PPP1R15B: variants seen among roughly 807,000 people sequenced by gnomAD.
The protein encoded by PPP1R15B is protein phosphatase 1, regulatory (inhibitor) subunit 15B.
PPP1R15B carries 31 observed loss-of-function variants against 53.9 expected under a neutral mutation model. That is an observed-to-expected ratio of 0.58 (90% confidence interval 0.43 to 0.78). PPP1R15B has a LOEUF of 0.78. Among genes scored for constraint, PPP1R15B ranks in the 30% least tolerant of loss-of-function variants. The pLI, the probability that PPP1R15B is intolerant of heterozygous loss-of-function variation, is 0.00. For missense variants in PPP1R15B, 928 were observed against 849.6 expected (o/e 1.09, Z -1.15); for synonymous variants, 345 against 329.1 (o/e 1.05, Z -0.52).
chr1:204,411,087 G>A lies in PPP1R15B; in HGVS notation c.325C>T (p.Leu109=), dbSNP rs1478150067. 6.2e-7 allele frequency: 1 copy of A among 1,614,172 alleles called. No homozygotes were observed. Among genetic ancestry groups the A allele is most frequent in the South Asian group, 1.1e-5 (1 of 91,044 alleles). ...GCGGCTGGTTTCTCCCGTCCCTTCA[G>A]GGCTCTCAGGGCGCTGTAGACTCCA... The part of the protein sequence containing the change: ...FAGVYSALRA[L]KGREKPAAPT... The change falls in exon 1 of 2, where the codon CTG becomes TTG. Residue 109 remains leucine (L), a synonymous_variant. Transcript: ENST00000367188.
At chr1:204,401,651 A>G (rs1324256490), downstream of PPP1R15B, among the ~76,000 whole-genome samples, 1 of 152,212 alleles carries the variant, frequency 6.6e-6, no homozygotes, top group African/African-American at 2.4e-5. Flanking sequence ...GTCCAAATGA[A>G]GTCTCCAAAT....
chr1:204,398,744 C>T (rs1252637061), downstream of PPP1R15B, among the ~76,000 whole-genome samples: 4 of 152,110 alleles, frequency 2.6e-5, no homozygotes, highest in African/African-American at 7.2e-5. Flanking sequence ...GTGGAGACAA[C>T]AGAGCATCAC....
Position 204,410,665 on chromosome 1 carries a change from G to A in PPP1R15B, c.747C>T (p.Gly249=). The A allele has an allele frequency of 6.2e-7, 1 of 1,613,982 alleles. No individual in the cohort carries two copies. Among genetic ancestry groups the A allele is most frequent in the East Asian group, 2.2e-5 (1 of 44,888 alleles). The change falls in exon 1 of 2, where the codon GGC becomes GGT. Residue 249 remains glycine (G), a synonymous_variant. Transcript: ENST00000367188. ...TGCTCTCTGGGGTTAGTGTCTGGAAGCCGACTACCTCGCTATTTCCATCAC... is the reference window on the plus strand; with the variant it reads ...TGCTCTCTGGGGTTAGTGTCTGGAAACCGACTACCTCGCTATTTCCATCAC... ...QNSDGNSEVV[G]FQTLTPESSC...
At chr1:204,400,979 G>T (rs1674170580), downstream of PPP1R15B, among the ~76,000 whole-genome samples, 1 of 152,188 alleles carries the variant, frequency 6.6e-6, no homozygotes, top group Admixed American at 6.5e-5. Flanking sequence ...GATCTCTAGG[G>T]TATCCTCCCC....
rs1378203728 is a variant in PPP1R15B, at chr1:204,404,088, A to G, written c.*2004T>C. On this transcript the variant is annotated 3_prime_UTR_variant, in exon 2 of 2. Coordinates refer to ENST00000367188, the MANE Select transcript of PPP1R15B (RefSeq NM_032833.5). ...AAAAGAATGCCTGTATGTTGTCAAAAGGCTTTTTTCAAGGCAAATGACGCC... is the reference window on the plus strand; with the variant it reads ...AAAAGAATGCCTGTATGTTGTCAAAGGGCTTTTTTCAAGGCAAATGACGCC... 1.0e-6 allele frequency: 1 copy of G among 985,366 alleles called. No individual in the cohort carries two copies. Among genetic ancestry groups the G allele is most frequent in the East Asian group, 1.1e-4 (1 of 8,836 alleles). The allele number at this position is 985,366 out of a possible 1,614,324, so 61.0% of individuals were successfully genotyped here.
At position 204,403,957 on chromosome 1, in the gene PPP1R15B, T is replaced by C. The variant is rs1572252416; in HGVS notation, c.*2135A>G. The stretch of plus-strand genomic sequence containing the variant: ...TCCCATGGGGAACAATTTTCCAAAA[T>C]CCAATGAAAGATGTCTCATTATTTT... On this transcript the variant is annotated 3_prime_UTR_variant, in exon 2 of 2. Coordinates refer to ENST00000367188, the MANE Select transcript of PPP1R15B (RefSeq NM_032833.5). 1 of 985,388 alleles carries C rather than the reference T, an allele frequency of 1.0e-6. No individual in the cohort carries two copies. 61.0% of individuals were successfully genotyped at this position (985,388 alleles called of 1,614,324 possible).
Position 204,411,044 on chromosome 1 carries a change from G to T in PPP1R15B, c.368C>A (p.Ser123Tyr), listed in dbSNP as rs150472729. The change falls in exon 1 of 2, where the codon TCT (serine) becomes TAT (tyrosine). Residue 123 changes from serine (S) to tyrosine (Y), a missense_variant. Transcript: ENST00000367188. The stretch of plus-strand genomic sequence containing the variant: ...GGAGTCGAGCTGCAGCGAACTCAAA[G>T]ATTTCTGCGCTGTGGGGGCGGCTGG... ...EKPAAPTAQK[S>Y]LSSLQLDSSD... The T allele has an allele frequency of 1.8e-4, 294 of 1,614,094 alleles. No individual in the cohort carries two copies. Among genetic ancestry groups the T allele is most frequent in the Non-Finnish European group, 2.4e-4 (286 of 1,180,036 alleles).
downstream of PPP1R15B, among the ~76,000 whole-genome samples, chr1:204,399,893 A>G (rs764698983): frequency 7.9e-5 from 12 of 152,156 alleles, no homozygotes; most frequent in East Asian, 1.9e-4. Flanking sequence ...ATATATCCAG[A>G]TAAGTCTTTT....
At chr1:204,399,849 T>C (rs6694389), downstream of PPP1R15B, among the ~76,000 whole-genome samples, 22,843 of 152,132 alleles carry the variant, frequency 0.15, 2,266 homozygotes, top group African/African-American at 0.28. Context: ...TCTTTCATGA[T>C]AAAATGCGGT....
rs913930377 is a variant in PPP1R15B at position 204,405,655 on chromosome 1, C to A, written c.*437G>T. ...ATAGAAAAACATAAAAGCCCATTAA[C>A]TTCTGAATTTTGGGAAAGAAACAAG... On this transcript the variant is annotated 3_prime_UTR_variant, in exon 2 of 2. Coordinates refer to ENST00000367188, the MANE Select transcript of PPP1R15B (RefSeq NM_032833.5). 3.0e-6 allele frequency: 3 copies of A among 983,788 alleles called. No individual in the cohort carries two copies. Among genetic ancestry groups the A allele is most frequent in the Non-Finnish European group, 3.6e-6 (3 of 827,986 alleles). The allele number at this position is 983,788 out of a possible 1,614,324, so 60.9% of individuals were successfully genotyped here.
At chr1:204,406,898 C>G (rs189286072) in intron 1 of PPP1R15B, among the ~76,000 whole-genome samples, 1 of 151,750 alleles carries the variant, frequency 6.6e-6, no homozygotes, top group Non-Finnish European at 1.5e-5. Flanking sequence ...AGTCGTCTGC[C>G]CCCCCCAATC....
rs1674258189 is a variant in PPP1R15B at position 204,406,032 on chromosome 1, T to A, written c.*60A>T. On this transcript the variant is annotated 3_prime_UTR_variant, in exon 2 of 2. Transcript: ENST00000367188. ...AAAGGACAGCTGCCAAGATTTGTTT[T>A]TAAAAGACACCTCTCAGGTAAGAGG... 2.6e-6 allele frequency: 4 copies of A among 1,555,510 alleles called. No homozygotes were observed. The Admixed American group carries it at 8.0e-5, about 31-fold the overall frequency.
rs1417469070 is a variant in PPP1R15B, at chr1:204,411,090, C to A, written c.322G>T (p.Ala108Ser). 1.9e-6 allele frequency: 3 copies of A among 1,614,052 alleles called. No individual in the cohort carries two copies. In the East Asian group the frequency reaches 6.7e-5, roughly 36 times the overall value. The change falls in exon 1 of 2, where the codon GCC becomes TCC. Residue 108 changes from alanine to serine, a missense_variant. Physicochemically the swap from Ala to Ser is moderately conservative, Grantham distance 99. Coordinates refer to ENST00000367188, the MANE Select transcript of PPP1R15B (RefSeq NM_032833.5). ...DFAGVYSALR[A>S]LKGREKPAAP... ...GCTGGTTTCTCCCGTCCCTTCAGGG[C>A]TCTCAGGGCGCTGTAGACTCCAGCA...
rs1386058021 is a variant in PPP1R15B, at chr1:204,403,821, AAAATAGTCCTTTCTGTCCT to A, written c.*2252_*2270del. On this transcript the variant is annotated 3_prime_UTR_variant, in exon 2 of 2. Transcript: ENST00000367188. ...CTTTTTTCTCCTTCAGTCCAACTTTAAAATAGTCCTTTCTGTCCTTCTTATCACCTTCTGATCACTTCTT... is the reference window on the plus strand; with the variant it reads ...CTTTTTTCTCCTTCAGTCCAACTTTATCTTATCACCTTCTGATCACTTCTT... The A allele has an allele frequency of 6.1e-6, 6 of 985,750 alleles. No homozygotes were observed. In the Admixed American group the frequency reaches 3.7e-4, roughly 61 times the overall value. The allele number at this position is 985,750 out of a possible 1,614,324, so 61.1% of individuals were successfully genotyped here. A position where few individuals can be genotyped will look rare whatever the true frequency, so the allele number is the denominator to read the frequency against.
In PPP1R15B at chr1:204,405,669, G is replaced by A. The variant is rs11240739; in HGVS notation, c.*423C>T. 269 of 984,174 alleles carry A rather than the reference G, an allele frequency of 2.7e-4. 2 individuals carry two copies. In the African/African-American group the frequency reaches 4.0e-3, roughly 15 times the overall value. The allele number at this position is 984,174 out of a possible 1,614,324, so 61.0% of individuals were successfully genotyped here. ...AAGCCCATTAACTTCTGAATTTTGG[G>A]AAAGAAACAAGAAAGAGCCCAAAGT... On this transcript the variant is annotated 3_prime_UTR_variant, in exon 2 of 2. Transcript: ENST00000367188.
chr1:204,401,747 C>G (rs1435717995), downstream of PPP1R15B, among the ~76,000 whole-genome samples: 1 of 151,922 alleles, frequency 6.6e-6, no homozygotes, highest in Non-Finnish European at 1.5e-5. Flanking sequence ...ATGGCAAAAC[C>G]CCATCTCTAC....
At chr1:204,398,753 A>G (rs1674129923), downstream of PPP1R15B, among the ~76,000 whole-genome samples, 1 of 152,168 alleles carries the variant, frequency 6.6e-6, no homozygotes, top group Non-Finnish European at 1.5e-5. Context: ...ACAGAGCATC[A>G]CTAGAAACCC....
Position 204,410,619 on chromosome 1 carries a change from A to C in PPP1R15B, c.793T>G (p.Cys265Gly). 1 of 1,613,988 alleles carries C rather than the reference A, an allele frequency of 6.2e-7. No individual in the cohort carries two copies. The highest frequency in any genetic ancestry group is 1.3e-5 in the African/African-American group (1 of 75,030). Reference protein sequence around the residue: ...PESSCLREDHCHPQPLSAELI... With the variant: ...PESSCLREDHGHPQPLSAELI... ...TCTGCACTCAGCGGCTGGGGATGAC[A>C]ATGGTCCTCTCTCAGGCAGCTGCTC... Residue 265 changes from cysteine to glycine, a missense_variant, in exon 1 of 2, where the codon TGT becomes GGT. Coordinates refer to ENST00000367188, the MANE Select transcript of PPP1R15B (RefSeq NM_032833.5).
intron 1 of PPP1R15B, among the ~76,000 whole-genome samples, chr1:204,408,594 A>G (rs77531993): frequency 4.1e-4 from 62 of 152,356 alleles, no homozygotes; most frequent in African/African-American, 1.4e-3. Flanking sequence ...AGAAAACTAA[A>G]AAAACGTTCC....
Sources: allele counts gnomAD v4.1 joint callset (sites outside exome capture counted in the v4.1 genomes callset), GRCh38; gene constraint gnomAD v4.1.1; transcripts MANE v1.5; gene names NCBI Gene and HGNC (gene_info 2026-07-23, HGNC 2026-07-21).